The following SYCP1 variants were observed in gnomAD, a reference collection of about 807,000 sequenced individuals.
The protein encoded by SYCP1 is synaptonemal complex protein 1, also known as cancer/testis antigen 8.
A neutral mutation model predicts 153.1 loss-of-function variants in SYCP1; 64 were observed. The ratio of observed to expected loss-of-function variants is 0.42; its 90% CI spans 0.34 to 0.51. SYCP1 has a LOEUF of 0.51. SYCP1 is among the 20% of genes least tolerant of loss of function. The pLI, the probability that SYCP1 is intolerant of heterozygous loss-of-function variation, is 0.06. For missense variants in SYCP1, 997 were observed against 1,049.0 expected, an observed-to-expected ratio of 0.95 and a Z score of 0.68; for synonymous variants, 384 against 341.8, an observed-to-expected ratio of 1.12 and a Z score of -1.36.
chr1:114,889,463 G>A (rs1024883475), intron 15 of SYCP1, among the ~76,000 whole-genome samples: 82 of 152,130 alleles, frequency 5.4e-4, no homozygotes, highest in Non-Finnish European at 1.1e-3. Context: ...GTGATGATGA[G>A]CATTTTTTCA....
chr1:114,889,481 G>T (rs868498628), intron 15 of SYCP1, among the ~76,000 whole-genome samples: 2 of 152,194 alleles, frequency 1.3e-5, no homozygotes, highest in Middle Eastern at 3.4e-3. Context: ...TCATATGTCT[G>T]TTGGCTGCAT....
At chr1:114,910,584 G>T (rs2101668541) in intron 17 of SYCP1, 83 bp downstream of exon 17, 1 of 863,412 alleles carries the variant, frequency 1.2e-6, no homozygotes, top group Admixed American at 3.5e-5. Flanking sequence ...TATTTCTTTT[G>T]TTAAAGATTT....
chr1:114,957,543 C>G (rs764372958), intron 27 of SYCP1, among the ~76,000 whole-genome samples: 5 of 152,086 alleles, frequency 3.3e-5, no homozygotes, highest in Non-Finnish European at 7.4e-5. Flanking sequence ...AACTATCCAT[C>G]CAACAAGAGA....
chr1:114,904,413 G>C (rs116838341), intron 16 of SYCP1, among the ~76,000 whole-genome samples: 2 of 151,972 alleles, frequency 1.3e-5, no homozygotes, highest in Admixed American at 1.3e-4. Flanking sequence ...ACCTCGCCCC[G>C]CCTAGAATTA....
rs372573471 is a variant in SYCP1 at position 114,984,862 on chromosome 1, T to C, written c.2697T>C (p.Asp899=). 60 of 1,405,786 alleles carry C rather than the reference T, an allele frequency of 4.3e-5. No homozygotes were observed. The African/African-American group carries it at 8.5e-4, about 20-fold the overall frequency. 87.1% of individuals were successfully genotyped at this position (1,405,786 alleles called of 1,614,324 possible). A position where few individuals can be genotyped will look rare whatever the true frequency, so the allele number is the denominator to read the frequency against. The change falls in exon 30 of 32, where the codon GAT becomes GAC. Residue 899 remains aspartate (D), a synonymous_variant. Coordinates refer to ENST00000369522, the MANE Select transcript of SYCP1 (RefSeq NM_003176.4). ...DINSDSSETT[D]LLSMVSEEET... ...ATTCAGATAGTTCAGAAACTACTGA[T>C]CTTTTGGTAAAAATTTTACAAATAA...
At chr1:114,857,348 C>T in intron 4 of SYCP1, 73 bp downstream of exon 4, 1 of 1,544,090 alleles carries the variant, frequency 6.5e-7, no homozygotes, top group East Asian at 2.3e-5. Context: ...CGAAAAAAGT[C>T]TTTAGTTATT....
Position 114,877,599 on chromosome 1 carries a change from A to C in SYCP1, c.802-495A>C, listed in dbSNP as rs142393475. ...AAACGCTTTTTGGAGTTCTAGGTGCATGGGCAGAGCTTACAGATTGTTGGG... is the reference window on the plus strand; with the variant it reads ...AAACGCTTTTTGGAGTTCTAGGTGCCTGGGCAGAGCTTACAGATTGTTGGG... On this transcript the variant is annotated intron_variant, in intron 11 of 31. Coordinates refer to ENST00000369522, the MANE Select transcript of SYCP1 (RefSeq NM_003176.4). 2.0e-4 allele frequency among the ~76,000 whole-genome samples: 30 copies of C among 152,346 alleles called. No homozygotes were observed. The East Asian group carries it at 5.4e-3, about 27-fold the overall frequency.
In SYCP1 at chr1:114,994,953, T is replaced by G. The variant is rs1674180483; in HGVS notation, c.2865T>G (p.Arg955=). The part of the protein sequence containing the change: ...FGAIRKMRED[R]WAVIAKMDRK... ...CTATAAGAAAAATGCGGGAGGACCG[T>G]TGGGCTGTAATTGCTAAAATGGATA... Residue 955 remains arginine (R), a synonymous_variant, in exon 32 of 32, where the codon CGT becomes CGG. Coordinates refer to ENST00000369522, the MANE Select transcript of SYCP1 (RefSeq NM_003176.4). The G allele has an allele frequency of 6.2e-7, 1 of 1,608,930 alleles. No individual in the cohort carries two copies. The highest frequency in any genetic ancestry group is 8.5e-7 in the Non-Finnish European group (1 of 1,177,178).
intron 28 of SYCP1, among the ~76,000 whole-genome samples, chr1:114,981,049 C>T (rs978131322): frequency 5.9e-5 from 9 of 151,870 alleles, no homozygotes; most frequent in African/African-American, 2.2e-4. Flanking sequence ...GCTTTCTGTT[C>T]CTGCATTAGT....
chr1:114,939,975 T>C (rs549919061), intron 23 of SYCP1, among the ~76,000 whole-genome samples: 3 of 152,316 alleles, frequency 2.0e-5, no homozygotes, highest in Admixed American at 6.5e-5. Flanking sequence ...AGTTTCAGAA[T>C]TGTCTGTAGC....
At chr1:114,966,037 T>C (rs1672107224) in intron 27 of SYCP1, among the ~76,000 whole-genome samples, 1 of 152,164 alleles carries the variant, frequency 6.6e-6, no homozygotes, top group South Asian at 2.1e-4. Context: ...TATTGGTCTA[T>C]TCAGGGATTT....
At chr1:114,913,383 G>A (rs928935803) in intron 19 of SYCP1, among the ~76,000 whole-genome samples, 1 of 151,884 alleles carries the variant, frequency 6.6e-6, no homozygotes, top group Non-Finnish European at 1.5e-5. Context: ...TTTAATTTTA[G>A]GCATCAAGAT....
intron 16 of SYCP1, among the ~76,000 whole-genome samples, chr1:114,902,172 G>C (rs1181639213): frequency 6.6e-6 from 1 of 152,150 alleles, no homozygotes; most frequent in Admixed American, 6.5e-5. Flanking sequence ...TGGAAAGGCT[G>C]GGTTGGACTG....
At chr1:114,901,559 T>C (rs1056856185) in intron 16 of SYCP1, among the ~76,000 whole-genome samples, 6 of 152,164 alleles carry the variant, frequency 3.9e-5, no homozygotes, top group African/African-American at 1.4e-4. Flanking sequence ...TAAGCTAGGA[T>C]TGAACCTGGG....
At chr1:114,991,351 C>T (rs989015143) in intron 30 of SYCP1, among the ~76,000 whole-genome samples, 1 of 151,778 alleles carries the variant, frequency 6.6e-6, no homozygotes, top group Non-Finnish European at 1.5e-5. Context: ...AAAGGCACCA[C>T]AAGAAAGGAA....
At chr1:114,951,857 C>T (rs1671130163) in intron 27 of SYCP1, among the ~76,000 whole-genome samples, 1 of 152,086 alleles carries the variant, frequency 6.6e-6, no homozygotes, top group Non-Finnish European at 1.5e-5. Flanking sequence ...ATAATTTTGC[C>T]ATTTCGAGAA....
Position 114,977,541 on chromosome 1 carries a change from T to A in SYCP1, c.2323-16T>A, listed in dbSNP as rs1247709282. 7 of 1,360,766 alleles carry A rather than the reference T, an allele frequency of 5.1e-6. No individual in the cohort carries two copies. Among genetic ancestry groups the A allele is most frequent in the Non-Finnish European group, 7.0e-6 (7 of 1,006,914 alleles). The allele number at this position is 1,360,766 out of a possible 1,614,324, so 84.3% of individuals were successfully genotyped here. A position where few individuals can be genotyped will look rare whatever the true frequency, so the allele number is the denominator to read the frequency against. On this transcript the variant is annotated splice_polypyrimidine_tract_variant and intron_variant, in intron 27 of 31. Transcript: ENST00000369522. ...TGATGTTTATGTTACTTGTACTTGA[T>A]ATTTATTTTTAATAGGAAAAACTCA... is the stretch of plus-strand genomic sequence containing the variant.
rs1222725240 is a variant in SYCP1 at position 114,916,483 on chromosome 1, G to T, written c.1718+2438G>T. Among the ~76,000 whole-genome samples, 4 of 151,772 alleles carry T rather than the reference G, an allele frequency of 2.6e-5. No individual in the cohort carries two copies. In the East Asian group the frequency reaches 7.7e-4, roughly 29 times the overall value. ...GTCCTAAAATGTTTTAATTGATATT[G>T]GGTATTATTAATTTATTGATAATTT... On this transcript the variant is annotated intron_variant, in intron 20 of 31. Coordinates refer to ENST00000369522, the MANE Select transcript of SYCP1 (RefSeq NM_003176.4).
intron 8 of SYCP1, among the ~76,000 whole-genome samples, chr1:114,862,709 A>G (rs566380242): frequency 1.1e-4 from 16 of 152,264 alleles, no homozygotes; most frequent in African/African-American, 3.6e-4. Context: ...AGAGAACCCA[A>G]CATTTTTCAA....
Sources: allele counts gnomAD v4.1 joint callset (sites outside exome capture counted in the v4.1 genomes callset), GRCh38; gene constraint gnomAD v4.1.1; transcripts MANE v1.5; gene names NCBI Gene and HGNC (gene_info 2026-07-23, HGNC 2026-07-21).